PSMD14: variants seen among roughly 807,000 people sequenced by gnomAD.
The protein encoded by PSMD14 is ubiquitin C-terminal hydrolase PSMD14.
Under a neutral mutation model 41.2 loss-of-function variants are expected in PSMD14, and 7 were observed. The ratio of observed to expected loss-of-function variants is 0.17; its 90% confidence interval spans 0.10 to 0.32. The LOEUF is 0.32. Ranked by LOEUF, PSMD14 falls within the 10% of genes least tolerant of loss-of-function variation. PSMD14 has a pLI of 1.00. For missense variants in PSMD14, 139 were observed against 375.6 expected (o/e 0.37, Z 5.21); for synonymous variants, 114 against 122.3 (o/e 0.93, Z 0.45).
intron 3 of PSMD14, among the ~76,000 whole-genome samples, chr2:161,354,185 A>G (rs567816718): frequency 4.2e-4 from 64 of 151,962 alleles, no homozygotes; most frequent in Non-Finnish European, 8.1e-4. Flanking sequence ...TTAAATGTTT[A>G]TATTTTCTGG....
intron 3 of PSMD14, among the ~76,000 whole-genome samples, chr2:161,333,230 G>A (rs781252693): frequency 2.6e-5 from 4 of 152,166 alleles, no homozygotes; most frequent in Non-Finnish European, 5.9e-5. Flanking sequence ...TTTATAGGAA[G>A]TTTCCTTTTT....
chr2:161,318,704 G>A (rs911484967), intron 2 of PSMD14, 118 bp from the exon 3 acceptor site: 2 of 734,764 alleles, frequency 2.7e-6, no homozygotes, highest in Non-Finnish European at 4.7e-6. Flanking sequence ...CTGATGTTGT[G>A]TTGTAATTAC....
At chr2:161,314,687 TC>T (rs1167250162) in intron 1 of PSMD14, among the ~76,000 whole-genome samples, 3 of 152,124 alleles carry the variant, frequency 2.0e-5, no homozygotes, top group Admixed American at 1.3e-4. Context: ...GTTTTGAGGT[TC>T]AGCTAACTTG....
At chr2:161,393,100 T>C (rs984377652) in intron 9 of PSMD14, among the ~76,000 whole-genome samples, 2 of 152,194 alleles carry the variant, frequency 1.3e-5, no homozygotes, top group African/African-American at 4.8e-5. Flanking sequence ...TTTACTCTTA[T>C]CCAGACAACT....
At chr2:161,393,418 A>G (rs1422821962) in intron 9 of PSMD14, among the ~76,000 whole-genome samples, 4 of 152,160 alleles carry the variant, frequency 2.6e-5, no homozygotes, top group Admixed American at 1.3e-4. Context: ...CCCTGGAGCC[A>G]TGGGAGAAAA....
In PSMD14 at chr2:161,405,042, G is replaced by C. The variant is rs575117120; in HGVS notation, c.772-3795G>C. The stretch of plus-strand genomic sequence containing the variant: ...CATGTTCATTACTTCAGATGCTGCT[G>C]TTCAAGAGTAAGCAATATTGTCTAC... On this transcript the variant is annotated intron_variant, in intron 10 of 11. Transcript: ENST00000409682. 7.0e-4 allele frequency among the ~76,000 whole-genome samples: 106 copies of C among 152,238 alleles called. 3 individuals carry two copies. In the South Asian group the frequency reaches 0.021, roughly 30 times the overall value.
At position 161,318,832 on chromosome 2, in the gene PSMD14, A is replaced by G; in HGVS notation, c.7A>G (p.Arg3Gly). Reference protein sequence around the residue: MDRLLRLGGGMPG... With the variant: MDGLLRLGGGMPG... ...GTTTCTGTTTTCTAGAAATATGGAC[A>G]GACTTCTTAGACTTGGAGGAGGTAT... Residue 3 changes from arginine to glycine, a missense_variant, in exon 3 of 12, where the codon AGA (arginine) becomes GGA (glycine). Around this residue, in one of 4 missense-constraint regions of PSMD14, gnomAD observed 24 missense variants for 55.3 expected, o/e 0.43. Transcript: ENST00000409682. The G allele has an allele frequency of 6.2e-7, 1 of 1,612,960 alleles. No individual in the cohort carries two copies. Among genetic ancestry groups the G allele is most frequent in the Non-Finnish European group, 8.5e-7 (1 of 1,179,258 alleles).
At chr2:161,338,459 A>G (rs1215259529) in intron 3 of PSMD14, among the ~76,000 whole-genome samples, 1 of 151,206 alleles carries the variant, frequency 6.6e-6, no homozygotes, top group Non-Finnish European at 1.5e-5. Context: ...CTGTACTCAT[A>G]TTATCTACTC....
chr2:161,343,302 A>G (rs980628649), intron 3 of PSMD14, among the ~76,000 whole-genome samples: 3 of 152,188 alleles, frequency 2.0e-5, no homozygotes, highest in Non-Finnish European at 4.4e-5. Flanking sequence ...GACCTCACAT[A>G]TATGGAATCA....
chr2:161,404,817 CTT>C (rs1683927696), intron 10 of PSMD14, among the ~76,000 whole-genome samples: 1 of 152,168 alleles, frequency 6.6e-6, no homozygotes, highest in Non-Finnish European at 1.5e-5. Context: ...GTTCCCCTGA[CTT>C]TTTGGCAACT....
chr2:161,373,308 T>A (rs2105258958), intron 7 of PSMD14, among the ~76,000 whole-genome samples: 1 of 151,950 alleles, frequency 6.6e-6, no homozygotes, highest in African/African-American at 2.4e-5. Context: ...TTTGAAAAAA[T>A]TTAGTGTAAA....
Position 161,395,071 on chromosome 2 carries a change from T to G in PSMD14, c.646-7T>G, listed in dbSNP as rs777657675. On this transcript the variant is annotated splice_region_variant and splice_polypyrimidine_tract_variant and intron_variant, in intron 9 of 11. Coordinates refer to ENST00000409682, the MANE Select transcript of PSMD14 (RefSeq NM_005805.6). Reference sequence around the variant, plus strand: ...GAAAAAGAATTACTTTTTCTTTTATTTTTTAGATGTTGCTAAATTTGCATA... The same window carrying G: ...GAAAAAGAATTACTTTTTCTTTTATGTTTTAGATGTTGCTAAATTTGCATA... 4.3e-5 allele frequency: 67 copies of G among 1,575,602 alleles called. No individual in the cohort carries two copies. The South Asian group carries it at 8.1e-4, about 19-fold the overall frequency.
At chr2:161,379,751 G>A (rs1232355469) in intron 7 of PSMD14, among the ~76,000 whole-genome samples, 1 of 152,064 alleles carries the variant, frequency 6.6e-6, no homozygotes, top group Non-Finnish European at 1.5e-5. Context: ...GGTTGACCAT[G>A]CAAAGGAGAA....
chr2:161,394,252 A>AAAG, intron 9 of PSMD14, among the ~76,000 whole-genome samples: 1 of 152,088 alleles, frequency 6.6e-6, no homozygotes, highest in Non-Finnish European at 1.5e-5. Flanking sequence ...GATTACAGGC[A>AAAG]TGAGCCACTG....
chr2:161,322,682 G>A (rs4664417), intron 3 of PSMD14, among the ~76,000 whole-genome samples: 102,131 of 151,418 alleles, frequency 0.67, 34,677 homozygotes, highest in Admixed American at 0.72. Context: ...GAACCATTGC[G>A]CCCGGCCTGG....
At chr2:161,369,460 A>G (rs2105257051) in intron 5 of PSMD14, among the ~76,000 whole-genome samples, 1 of 152,142 alleles carries the variant, frequency 6.6e-6, no homozygotes, top group African/African-American at 2.4e-5. Context: ...GTTCTTGAGG[A>G]TGTACTCTCT....
intron 3 of PSMD14, 108 bp downstream of exon 3, chr2:161,318,981 T>C: frequency 1.3e-6 from 1 of 798,896 alleles, no homozygotes; most frequent in East Asian, 2.7e-5. Context: ...AACAGATAAC[T>C]CTATGGTAAG....
intron 10 of PSMD14, among the ~76,000 whole-genome samples, chr2:161,405,066 A>C (rs1487672399): frequency 5.9e-5 from 9 of 152,076 alleles, no homozygotes; most frequent in Non-Finnish European, 1.5e-5. Flanking sequence ...AATATTGTCT[A>C]CCCTACTTTC....
intron 10 of PSMD14, among the ~76,000 whole-genome samples, chr2:161,403,458 A>G (rs1683908574): frequency 6.6e-6 from 1 of 152,206 alleles, no homozygotes; most frequent in Non-Finnish European, 1.5e-5. Context: ...AACGTTTTGG[A>G]ATACAGGTGA....
Sources: gnomAD v4.1 joint callset for allele counts (sites outside exome capture counted in the v4.1 genomes callset) on GRCh38, gnomAD v4.1.1 for gene constraint, gnomAD v4.1.1 regional missense constraint, MANE v1.5 for transcripts, NCBI Gene and HGNC (gene_info 2026-07-23, HGNC 2026-07-21) for gene names.